Variants in RIT2 observed in about 807,000 individuals in gnomAD.
The protein encoded by RIT2 is Ras like without CAAX 2, also known as GTP-binding protein Rit2.
A neutral mutation model predicts 23.7 loss-of-function variants in RIT2; 24 were observed. That is an observed-to-expected ratio of 1.01 (90% CI 0.73 to 1.43). RIT2 has a LOEUF of 1.43. Among genes scored for constraint, RIT2 ranks in the 40% most tolerant of loss-of-function variants. The pLI, the probability that RIT2 is intolerant of heterozygous loss-of-function variation, is 0.00. For synonymous variants in RIT2, 107 were observed against 91.1 expected (o/e 1.17, Z -0.99); for missense variants, 236 against 266.9 (o/e 0.88, Z 0.81).
chr18:42,755,978 G>A (rs192180117), intron 4 of RIT2, among the ~76,000 whole-genome samples: 4 of 152,096 alleles, frequency 2.6e-5, no homozygotes, highest in African/African-American at 9.6e-5. Context: ...AGGGGAGGTG[G>A]GATGCTGGGG....
At chr18:42,802,551 T>A (rs913582954) in intron 4 of RIT2, among the ~76,000 whole-genome samples, 4 of 152,128 alleles carry the variant, frequency 2.6e-5, no homozygotes, top group Admixed American at 2.6e-4. Flanking sequence ...TGTTTGCACA[T>A]TGACAAGATA....
chr18:42,776,641 C>A (rs533349768), intron 4 of RIT2, among the ~76,000 whole-genome samples: 78 of 152,222 alleles, frequency 5.1e-4, no homozygotes, highest in African/African-American at 1.8e-3. Flanking sequence ...ATACTAGTAT[C>A]ATGTCCATTT....
Position 42,841,041 on chromosome 18 carries a change from G to A in RIT2, c.426+82531C>T, listed in dbSNP as rs17635493. Among the ~76,000 whole-genome samples, 1,132 of 152,220 alleles carry A rather than the reference G, an allele frequency of 7.4e-3. 8 individuals are homozygous for A. Among genetic ancestry groups the A allele is most frequent in the Non-Finnish European group, 8.1e-3 (548 of 68,022 alleles). On this transcript the variant is annotated intron_variant, in intron 4 of 4. Transcript: ENST00000326695. ...CCTGAATGCTAACCTATAAGCTAGC[G>A]AGCAGGCAGAAATTGGTACCTAAGG... is the stretch of plus-strand genomic sequence containing the variant.
chr18:42,767,952 G>GT (rs1913464548), intron 4 of RIT2, among the ~76,000 whole-genome samples: 2 of 152,006 alleles, frequency 1.3e-5, no homozygotes, highest in African/African-American at 4.8e-5. Flanking sequence ...ATGTGGAACT[G>GT]TAAGTCCAAT....
chr18:42,884,883 C>T (rs1907982035), intron 4 of RIT2, among the ~76,000 whole-genome samples: 1 of 152,158 alleles, frequency 6.6e-6, no homozygotes, highest in Non-Finnish European at 1.5e-5. Flanking sequence ...TCCAATCAAC[C>T]TTCTTTAAAA....
At chr18:42,971,578 G>T (rs567851652) in intron 3 of RIT2, among the ~76,000 whole-genome samples, 3 of 152,094 alleles carry the variant, frequency 2.0e-5, no homozygotes, top group African/African-American at 7.2e-5. Context: ...CCACAATAAT[G>T]CTACAAGACA....
intron 4 of RIT2, among the ~76,000 whole-genome samples, chr18:42,896,779 C>T (rs920081138): frequency 6.6e-6 from 1 of 152,140 alleles, no homozygotes; most frequent in African/African-American, 2.4e-5. Flanking sequence ...ATGGTGAACT[C>T]CAGTATGTTT....
rs73484668 is a variant in RIT2 at position 42,763,005 on chromosome 18, C to A, written c.427-19285G>T. ...ATCATAGACACAAACTTAGACGGTA[C>A]AACTTACTATATACCTAAGCTATAT... On this transcript the variant is annotated intron_variant, in intron 4 of 4. Coordinates refer to ENST00000326695, the MANE Select transcript of RIT2 (RefSeq NM_002930.4). Among the ~76,000 whole-genome samples the A allele has an allele frequency of 1.5e-3, 222 of 152,284 alleles. 4 individuals are homozygous for A. Among genetic ancestry groups the A allele is most frequent in the African/African-American group, 5.2e-3 (216 of 41,566 alleles).
At chr18:42,780,341 A>G (rs1329391671) in intron 4 of RIT2, among the ~76,000 whole-genome samples, 9 of 151,996 alleles carry the variant, frequency 5.9e-5, no homozygotes, top group Admixed American at 5.9e-4. Context: ...TGAAGACTTC[A>G]ACTCAGCTTG....
At chr18:42,860,898 T>C (rs1159314503) in intron 4 of RIT2, among the ~76,000 whole-genome samples, 1 of 152,168 alleles carries the variant, frequency 6.6e-6, no homozygotes. Flanking sequence ...AAATCTTTCT[T>C]AAAACCTATC....
chr18:42,953,219 G>C (rs1909894672), intron 3 of RIT2, among the ~76,000 whole-genome samples: 1 of 152,042 alleles, frequency 6.6e-6, no homozygotes. Flanking sequence ...AGAGAAAAGA[G>C]ACATATGCTG....
chr18:42,869,763 C>T (rs982208530), intron 4 of RIT2, among the ~76,000 whole-genome samples: 6 of 152,184 alleles, frequency 3.9e-5, no homozygotes, highest in Non-Finnish European at 7.3e-5. Context: ...CACAGTAAAA[C>T]TCATAATTAA....
At chr18:42,791,668 C>T (rs1330926763) in intron 4 of RIT2, among the ~76,000 whole-genome samples, 2 of 152,138 alleles carry the variant, frequency 1.3e-5, no homozygotes, top group East Asian at 3.9e-4. Context: ...ATTTTGTTGA[C>T]ACGTTCAATT....
At chr18:43,076,969 G>T (rs1260026359) in intron 1 of RIT2, among the ~76,000 whole-genome samples, 1 of 150,388 alleles carries the variant, frequency 6.6e-6, no homozygotes, top group Non-Finnish European at 1.5e-5. Context: ...CGGCCGTAGT[G>T]GCGGGCGCCT....
intron 1 of RIT2, among the ~76,000 whole-genome samples, chr18:43,104,747 C>G (rs1431365756): frequency 1.3e-5 from 2 of 152,002 alleles, no homozygotes; most frequent in African/African-American, 4.8e-5. Flanking sequence ...AACCAATTAG[C>G]TGAAGTTTTT....
At chr18:42,861,156 T>C (rs1907317121) in intron 4 of RIT2, among the ~76,000 whole-genome samples, 1 of 152,244 alleles carries the variant, frequency 6.6e-6, no homozygotes, top group Non-Finnish European at 1.5e-5. Flanking sequence ...TAGGACTCAA[T>C]AGCTTAAATA....
intron 4 of RIT2, among the ~76,000 whole-genome samples, chr18:42,818,582 C>G (rs1906061156): frequency 1.3e-5 from 2 of 151,988 alleles, no homozygotes. Flanking sequence ...GGAAAAGTTG[C>G]TATAAGCATT....
At chr18:43,094,198 T>C (rs1913496564) in intron 1 of RIT2, among the ~76,000 whole-genome samples, 1 of 145,130 alleles carries the variant, frequency 6.9e-6, no homozygotes, top group Admixed American at 7.2e-5. Context: ...ATACAGAAGA[T>C]CAAGGGAAAC....
intron 4 of RIT2, among the ~76,000 whole-genome samples, chr18:42,918,227 G>C (rs1908962961): frequency 6.6e-6 from 1 of 152,116 alleles, no homozygotes; most frequent in South Asian, 2.1e-4. Flanking sequence ...TTTAAAAAAT[G>C]ACAGTAGCGA....
Sources: allele counts gnomAD v4.1 joint callset (sites outside exome capture counted in the v4.1 genomes callset), GRCh38; gene constraint gnomAD v4.1.1; transcripts MANE v1.5; gene names NCBI Gene and HGNC (gene_info 2026-07-23, HGNC 2026-07-21).